Variants in PLXDC2 observed in about 807,000 individuals in gnomAD.
PLXDC2 encodes plexin domain-containing protein 2.
A neutral mutation model predicts 68.9 loss-of-function variants in PLXDC2; 40 were observed. The ratio of observed to expected loss-of-function variants is 0.58; its 90% CI spans 0.45 to 0.76. PLXDC2 has a LOEUF of 0.76. Ranked by LOEUF, PLXDC2 falls within the 30% of genes least tolerant of loss-of-function variation. The probability of loss-of-function intolerance (pLI) is 0.00; values close to 1 mark genes in which losing one functional copy is unlikely to be tolerated. For synonymous variants in PLXDC2, 243 were observed against 234.2 expected (o/e 1.04, Z -0.34); for missense variants, 644 against 661.9 (o/e 0.97, Z 0.30).
At chr10:20,030,327 G>A (rs1187224273) in intron 2 of PLXDC2, among the ~76,000 whole-genome samples, 1 of 152,152 alleles carries the variant, frequency 6.6e-6, no homozygotes, top group Non-Finnish European at 1.5e-5. Flanking sequence ...CTTCAACCCA[G>A]GCCATGCCTT....
At chr10:19,968,398 C>T (rs1346512891) in intron 1 of PLXDC2, among the ~76,000 whole-genome samples, 5 of 152,084 alleles carry the variant, frequency 3.3e-5, no homozygotes, top group African/African-American at 4.8e-5. Flanking sequence ...CTGCAACCTC[C>T]GCCTCCCAGG....
At chr10:19,856,375 C>CACAG in intron 1 of PLXDC2, among the ~76,000 whole-genome samples, 2 of 120,954 alleles carry the variant, frequency 1.7e-5, no homozygotes, top group East Asian at 5.1e-4. Flanking sequence ...AACACACACA[C>CACAG]ACAGACACAC....
intron 1 of PLXDC2, among the ~76,000 whole-genome samples, chr10:19,864,600 G>T (rs1298292703): frequency 6.6e-6 from 1 of 152,062 alleles, no homozygotes; most frequent in Non-Finnish European, 1.5e-5. Context: ...CTGATATTTG[G>T]CAAAATGGGA....
At position 19,952,289 on chromosome 10, in the gene PLXDC2, A is replaced by G. The variant is rs184016651; in HGVS notation, c.113-49486A>G. On this transcript the variant is annotated intron_variant, in intron 1 of 13. Coordinates refer to ENST00000377252, the MANE Select transcript of PLXDC2 (RefSeq NM_032812.9). ...TCCGTCCGCTTGGCTACTTAACAGC[A>G]GCTGTTGTTTGAACCATAAAGTGAA... is the stretch of plus-strand genomic sequence containing the variant. Among the ~76,000 whole-genome samples the G allele has an allele frequency of 1.8e-3, 273 of 152,324 alleles. No homozygotes were observed. The Middle Eastern group carries it at 0.02, about 11-fold the overall frequency.
At chr10:20,208,124 G>A (rs1284623693) in intron 9 of PLXDC2, among the ~76,000 whole-genome samples, 1 of 151,490 alleles carries the variant, frequency 6.6e-6, no homozygotes, top group Admixed American at 6.6e-5. Flanking sequence ...TCTATTTAGA[G>A]TAATATAATT....
In PLXDC2 at chr10:20,129,542, C is replaced by CATACACATATATATGTGTATATAT. The variant is rs747252119; in HGVS notation, c.542-13736_542-13713dup. On this transcript the variant is annotated intron_variant, in intron 4 of 13. Coordinates refer to ENST00000377252, the MANE Select transcript of PLXDC2 (RefSeq NM_032812.9). ...ATACATACACATATATATATATACACATACACATATATATGTGTATATATA... is the reference window on the plus strand; with the variant it reads ...ATACATACACATATATATATATACACATACACATATATATGTGTATATATATACACATATATATGTGTATATATA... Among the ~76,000 whole-genome samples, 980 of 147,736 alleles carry CATACACATATATATGTGTATATAT rather than the reference C, an allele frequency of 6.6e-3. 3 individuals carry two copies. Among genetic ancestry groups the CATACACATATATATGTGTATATAT allele is most frequent in the Non-Finnish European group, 0.011 (749 of 66,812 alleles).
At chr10:19,939,526 C>T (rs572187029) in intron 1 of PLXDC2, among the ~76,000 whole-genome samples, 2 of 152,242 alleles carry the variant, frequency 1.3e-5, no homozygotes, top group African/African-American at 4.8e-5. Context: ...TGTATAGCAG[C>T]TCTAGGATTT....
rs759311783 is a variant in PLXDC2 at position 20,286,636 on chromosome 10, A to G, written c.*6817A>G. On this transcript the variant is annotated 3_prime_UTR_variant, in exon 14 of 14. Transcript: ENST00000377252. ...AAGTTTCATGGGGGAATTTTAGGGG[A>G]AAGTATAAACCTAAGAGTGAGTGAA... The G allele has an allele frequency of 8.5e-5, 13 of 152,226 alleles. No homozygotes were observed. Among genetic ancestry groups the G allele is most frequent in the Non-Finnish European group, 1.8e-4 (12 of 68,040 alleles). 9.4% of individuals were successfully genotyped at this position (152,226 alleles called of 1,614,324 possible).
At chr10:20,012,798 T>A (rs1303886738) in intron 2 of PLXDC2, among the ~76,000 whole-genome samples, 1 of 152,214 alleles carries the variant, frequency 6.6e-6, no homozygotes, top group East Asian at 1.9e-4. Context: ...ACTGCCTTAG[T>A]TTTCTTTTTG....
At chr10:20,267,945 G>A (rs933096154) in intron 13 of PLXDC2, among the ~76,000 whole-genome samples, 1 of 151,564 alleles carries the variant, frequency 6.6e-6, no homozygotes, top group African/African-American at 2.4e-5. Context: ...CCTTATCACA[G>A]GATGAATGCA....
chr10:19,933,505 G>A (rs558872300), intron 1 of PLXDC2, among the ~76,000 whole-genome samples: 2 of 152,004 alleles, frequency 1.3e-5, no homozygotes, highest in East Asian at 3.9e-4. Context: ...ATGATGGTGG[G>A]CACCTATCAT....
At chr10:19,896,264 A>G (rs994248665) in intron 1 of PLXDC2, among the ~76,000 whole-genome samples, 1 of 152,204 alleles carries the variant, frequency 6.6e-6, no homozygotes. Context: ...CACACATGGA[A>G]GGGAAGGCAC....
chr10:19,978,418 C>T (rs1834495131), intron 1 of PLXDC2, among the ~76,000 whole-genome samples: 1 of 151,952 alleles, frequency 6.6e-6, no homozygotes, highest in African/African-American at 2.4e-5. Flanking sequence ...TGAGCTCTTT[C>T]ATTCATACTT....
At chr10:20,015,891 A>G (rs1835201967) in intron 2 of PLXDC2, among the ~76,000 whole-genome samples, 1 of 152,018 alleles carries the variant, frequency 6.6e-6, no homozygotes, top group Non-Finnish European at 1.5e-5. Context: ...TTATTGGCAA[A>G]TTTGCCCTCT....
chr10:20,200,118 T>C (rs531168189), intron 9 of PLXDC2, among the ~76,000 whole-genome samples: 1 of 150,832 alleles, frequency 6.6e-6, no homozygotes, highest in South Asian at 2.1e-4. Flanking sequence ...TATGTAAATA[T>C]ACAAACTGCT....
At chr10:20,093,661 A>G (rs1430858114) in intron 4 of PLXDC2, among the ~76,000 whole-genome samples, 1 of 152,138 alleles carries the variant, frequency 6.6e-6, no homozygotes, top group Non-Finnish European at 1.5e-5. Context: ...AAAAACAAAA[A>G]CCAGTTTATC....
intron 4 of PLXDC2, among the ~76,000 whole-genome samples, chr10:20,113,213 A>G (rs1255730951): frequency 6.9e-6 from 1 of 145,246 alleles, no homozygotes; most frequent in East Asian, 2.2e-4. Flanking sequence ...CCACCAAATG[A>G]CTCTTTTTAT....
rs141025856 is a variant in PLXDC2, at chr10:20,254,398, C to T, written c.1473+8893C>T. 2.4e-4 allele frequency among the ~76,000 whole-genome samples: 36 copies of T among 152,206 alleles called. No individual in the cohort carries two copies. The Middle Eastern group carries it at 0.014, about 58-fold the overall frequency. On this transcript the variant is annotated intron_variant, in intron 13 of 13. Transcript: ENST00000377252. Reference sequence around the variant, plus strand: ...TTGCACTTGGGGAGTTAGGAAGACGCGATCTGTGGACAAACCTATGTAGTT... The same window carrying T: ...TTGCACTTGGGGAGTTAGGAAGACGTGATCTGTGGACAAACCTATGTAGTT...
intron 1 of PLXDC2, among the ~76,000 whole-genome samples, chr10:19,930,299 TAGA>T (rs1833605261): frequency 6.6e-6 from 1 of 152,236 alleles, no homozygotes; most frequent in African/African-American, 2.4e-5. Context: ...TATTGATTTA[TAGA>T]AGGATAGAAA....
Sources: allele counts gnomAD v4.1 joint callset (sites outside exome capture counted in the v4.1 genomes callset), GRCh38; gene constraint gnomAD v4.1.1; transcripts MANE v1.5; gene names NCBI Gene and HGNC (gene_info 2026-07-23, HGNC 2026-07-21).